Variants in TMC7 observed in about 807,000 individuals in gnomAD.
The protein encoded by TMC7 is transmembrane channel-like protein 7.
TMC7 carries 54 observed loss-of-function variants against 82.9 expected under a neutral mutation model. The ratio of observed to expected loss-of-function variants is 0.65; its 90% CI spans 0.52 to 0.82. The LOEUF is 0.82. TMC7 is among the 40% of genes least tolerant of loss of function. TMC7 has a pLI of 0.00. For missense variants in TMC7, 820 were observed against 901.2 expected (o/e 0.91, Z 1.15); for synonymous variants, 350 against 337.9 (o/e 1.04, Z -0.39).
intron 9 of TMC7, among the ~76,000 whole-genome samples, chr16:19,044,569 A>G (rs1430067289): frequency 6.6e-6 from 1 of 151,764 alleles, no homozygotes; most frequent in Non-Finnish European, 1.5e-5. Context: ...GGAGCCCAAG[A>G]CAGGCGGATT....
At chr16:19,051,093 T>C (rs1352107373) in intron 12 of TMC7, among the ~76,000 whole-genome samples, 1 of 152,134 alleles carries the variant, frequency 6.6e-6, no homozygotes, top group Non-Finnish European at 1.5e-5. Flanking sequence ...TTGCAGTTAT[T>C]CCGTGTTATC....
intron 1 of TMC7, among the ~76,000 whole-genome samples, chr16:19,007,860 T>G (rs544187185): frequency 2.0e-5 from 3 of 151,876 alleles, no homozygotes; most frequent in Non-Finnish European, 4.4e-5. Context: ...TCCCTCTCCC[T>G]CATCTCAGAA....
At chr16:19,038,629 G>A (rs1272138172) in intron 8 of TMC7, among the ~76,000 whole-genome samples, 1 of 151,972 alleles carries the variant, frequency 6.6e-6, no homozygotes, top group Non-Finnish European at 1.5e-5. Context: ...TGATTCTCAT[G>A]CCTCAGCCTC....
chr16:19,047,010 TTC>T lies in TMC7; in HGVS notation c.1554-51_1554-50del. On this transcript the variant is annotated intron_variant, in intron 11 of 15. Transcript: ENST00000304381. ...AATAGTCCTGATCTTTGTGATATGG[TTC>T]TGTGGCCTTGGCAGACACCAGTAGC... 4.1e-6 allele frequency: 6 copies of T among 1,477,292 alleles called. No homozygotes were observed. The South Asian group carries it at 7.7e-5, about 19-fold the overall frequency. 91.5% of individuals were successfully genotyped at this position (1,477,292 alleles called of 1,614,324 possible).
intron 6 of TMC7, 55 bp from the exon 7 acceptor site, chr16:19,035,621 G>T: frequency 6.2e-7 from 1 of 1,609,656 alleles, no homozygotes; most frequent in Non-Finnish European, 8.5e-7. Flanking sequence ...GCCAATTCAG[G>T]GGACTCTCTT....
intron 1 of TMC7, among the ~76,000 whole-genome samples, chr16:18,984,988 G>C (rs1229726972): frequency 3.3e-5 from 5 of 152,166 alleles, no homozygotes; most frequent in Non-Finnish European, 1.5e-5. Flanking sequence ...AGGGCCGGGC[G>C]TGGTGGCTCA....
intron 2 of TMC7, among the ~76,000 whole-genome samples, chr16:19,010,658 C>T (rs974252333): frequency 2.0e-5 from 3 of 152,190 alleles, no homozygotes; most frequent in Non-Finnish European, 2.9e-5. Context: ...CACCCCACAA[C>T]GGAGTAGCCT....
intron 6 of TMC7, among the ~76,000 whole-genome samples, chr16:19,032,878 C>T (rs990203893): frequency 1.3e-5 from 2 of 152,170 alleles, no homozygotes; most frequent in South Asian, 2.1e-4. Flanking sequence ...CCACCCACCT[C>T]GGCCTCCCAC....
At chr16:19,035,387 A>G (rs1159157295) in intron 6 of TMC7, among the ~76,000 whole-genome samples, 1 of 152,200 alleles carries the variant, frequency 6.6e-6, no homozygotes, top group Non-Finnish European at 1.5e-5. Flanking sequence ...AATATTACCA[A>G]GGTTACAAAC....
chr16:19,042,414 A>T (rs1345279142), intron 9 of TMC7, among the ~76,000 whole-genome samples: 1 of 151,560 alleles, frequency 6.6e-6, no homozygotes, highest in African/African-American at 2.4e-5. Context: ...GGCTCAAGCA[A>T]TTCTCCCACC....
At chr16:19,028,324 C>T (rs893442393) in intron 5 of TMC7, among the ~76,000 whole-genome samples, 3 of 151,968 alleles carry the variant, frequency 2.0e-5, no homozygotes, top group African/African-American at 7.3e-5. Context: ...CATTTGAGCC[C>T]AGGAGTTGGA....
At chr16:19,033,415 C>T (rs190655531) in intron 6 of TMC7, 113 of 152,296 alleles carry the variant, frequency 7.4e-4, no homozygotes, top group African/African-American at 2.7e-3. Context: ...GGCCCGGTGG[C>T]TCACACCTGT....
Position 19,039,855 on chromosome 16 carries a change from C to T in TMC7, c.1180-434C>T, listed in dbSNP as rs1459071051. Among the ~76,000 whole-genome samples the T allele has an allele frequency of 2.0e-5, 3 of 152,096 alleles. No individual in the cohort carries two copies. In the East Asian group the frequency reaches 5.8e-4, roughly 29 times the overall value. ...TGGCGGCCGGGCGAGGTGGCTCATGCCTGTAATCCTAGCACTTTGGGAAGC... is the reference window on the plus strand; with the variant it reads ...TGGCGGCCGGGCGAGGTGGCTCATGTCTGTAATCCTAGCACTTTGGGAAGC... On this transcript the variant is annotated intron_variant, in intron 8 of 15. Coordinates refer to ENST00000304381, the MANE Select transcript of TMC7 (RefSeq NM_024847.4).
chr16:19,056,317 C>T (rs191948626), intron 13 of TMC7, among the ~76,000 whole-genome samples: 36 of 152,126 alleles, frequency 2.4e-4, no homozygotes, highest in African/African-American at 8.4e-4. Flanking sequence ...AACTCCTGAC[C>T]TCAGGTGATC....
chr16:19,012,559 C>G (rs772601979), intron 2 of TMC7, among the ~76,000 whole-genome samples: 1 of 151,718 alleles, frequency 6.6e-6, no homozygotes, highest in Admixed American at 6.6e-5. Context: ...GAGGCCAAGG[C>G]GGGTGGATCA....
chr16:18,992,064 C>T (rs1487391334), intron 1 of TMC7, among the ~76,000 whole-genome samples: 1 of 152,156 alleles, frequency 6.6e-6, no homozygotes, highest in African/African-American at 2.4e-5. Context: ...CATACGTGTG[C>T]ATGTGTCTTT....
intron 5 of TMC7, among the ~76,000 whole-genome samples, chr16:19,027,003 C>G (rs1008052241): frequency 2.0e-5 from 3 of 149,634 alleles, no homozygotes; most frequent in African/African-American, 7.4e-5. Context: ...CTCAAGTGAT[C>G]CACCCACCTC....
chr16:19,033,146 T>C (rs912514089), intron 6 of TMC7, among the ~76,000 whole-genome samples: 3 of 152,158 alleles, frequency 2.0e-5, no homozygotes, highest in Admixed American at 6.6e-5. Flanking sequence ...GTTCACCTCT[T>C]TGAGCCTCAT....
rs1960835532 is a variant in TMC7 at position 19,037,987 on chromosome 16, AG to A, written c.1123del (p.Ala375HisfsTer8). ...FLNCIVLAVL[G>X]ACFYAIYVAT... ...TGAACTGTATTGTTCTGGCTGTTTT[AG>A]GGGCATGCTTTTATGCAATATACGT... On this transcript the variant is annotated frameshift_variant, in exon 8 of 16. Transcript: ENST00000304381. LOFTEE classifies it high-confidence loss of function. 1 of 1,614,010 alleles carries A rather than the reference AG, an allele frequency of 6.2e-7. No homozygotes were observed. Among genetic ancestry groups the A allele is most frequent in the Non-Finnish European group, 8.5e-7 (1 of 1,180,024 alleles).
Sources: allele counts gnomAD v4.1 joint callset (sites outside exome capture counted in the v4.1 genomes callset), GRCh38; gene constraint gnomAD v4.1.1; transcripts MANE v1.5; gene names NCBI Gene and HGNC (gene_info 2026-07-23, HGNC 2026-07-21).